The following SYT6 variants were observed in gnomAD, a reference collection of about 807,000 sequenced individuals.
The protein encoded by SYT6 is synaptotagmin 6.
In SYT6, 24 loss-of-function variants were observed where a neutral mutation model predicts 38.4. The observed-to-expected ratio is 0.62, with a 90% CI of 0.45 to 0.88. The LOEUF is 0.88. Ranked by LOEUF, SYT6 falls within the 40% of genes least tolerant of loss-of-function variation. SYT6 has a pLI of 0.00. For missense variants in SYT6, 611 were observed against 621.0 expected, an observed-to-expected ratio of 0.98 and a Z score of 0.17; for synonymous variants, 265 against 241.9, an observed-to-expected ratio of 1.10 and a Z score of -0.89.
At chr1:114,096,055 C>T (rs1675622754) in intron 6 of SYT6, among the ~76,000 whole-genome samples, 1 of 152,036 alleles carries the variant, frequency 6.6e-6, no homozygotes, top group Non-Finnish European at 1.5e-5. Context: ...GTTTAGTATA[C>T]TTGTTCTATT....
At chr1:114,109,967 G>T (rs1011349273) in intron 3 of SYT6, among the ~76,000 whole-genome samples, 1 of 152,208 alleles carries the variant, frequency 6.6e-6, no homozygotes, top group African/African-American at 2.4e-5. Flanking sequence ...GAGTGTTCGG[G>T]GCGCATGAGA....
chr1:114,153,222 A>G (rs953674382), intron 1 of SYT6, among the ~76,000 whole-genome samples: 4 of 152,178 alleles, frequency 2.6e-5, no homozygotes, highest in African/African-American at 9.6e-5. Flanking sequence ...GGCAAGCCCT[A>G]TTCCTCAGCC....
chr1:114,102,133 T>C lies in SYT6; in HGVS notation c.1192+1468A>G, dbSNP rs76844820. Among the ~76,000 whole-genome samples the C allele has an allele frequency of 6.7e-3, 1,013 of 152,312 alleles. 6 individuals are homozygous for C. The highest frequency in any genetic ancestry group is 0.023 in the African/African-American group (970 of 41,564). ...AATTTAATTACACCAGAGAAGATAG[T>C]GTGGGGACTTAGGCAGCAAAATCCT... On this transcript the variant is annotated intron_variant, in intron 4 of 7. Coordinates refer to ENST00000610222, the MANE Select transcript of SYT6 (RefSeq NM_001253772.2).
intron 3 of SYT6, among the ~76,000 whole-genome samples, chr1:114,106,431 C>A (rs1676317168): frequency 6.6e-6 from 1 of 152,124 alleles, no homozygotes; most frequent in African/African-American, 2.4e-5. Flanking sequence ...GGCTGTGTGA[C>A]TAGTGAGTGC....
At chr1:114,107,904 TTCA>T (rs1354234588) in intron 3 of SYT6, among the ~76,000 whole-genome samples, 11 of 152,196 alleles carry the variant, frequency 7.2e-5, no homozygotes, top group African/African-American at 2.7e-4. Flanking sequence ...CATTATTGCT[TTCA>T]TCTTCACCTG....
chr1:114,124,361 A>T (rs1330499657), intron 3 of SYT6, among the ~76,000 whole-genome samples: 1 of 152,076 alleles, frequency 6.6e-6, no homozygotes, highest in East Asian at 1.9e-4. Flanking sequence ...ACTGAGCTAC[A>T]CCTGGGGATG....
At chr1:114,111,484 C>A (rs1676674057) in intron 3 of SYT6, among the ~76,000 whole-genome samples, 1 of 152,166 alleles carries the variant, frequency 6.6e-6, no homozygotes, top group Admixed American at 6.5e-5. Context: ...TCACTAAATG[C>A]TCCAAGATCT....
At chr1:114,134,116 C>T (rs543287969) in intron 3 of SYT6, among the ~76,000 whole-genome samples, 14 of 152,320 alleles carry the variant, frequency 9.2e-5, no homozygotes, top group South Asian at 2.1e-4. Flanking sequence ...CCCTTTCTCA[C>T]GGTGCCTTTC....
intron 1 of SYT6, among the ~76,000 whole-genome samples, chr1:114,141,807 A>G (rs988244705): frequency 1.3e-5 from 2 of 152,208 alleles, no homozygotes; most frequent in African/African-American, 2.4e-5. Context: ...GTGCTTATTT[A>G]CCATTCCAAA....
chr1:114,102,026 CT>C, intron 4 of SYT6, among the ~76,000 whole-genome samples: 1 of 152,280 alleles, frequency 6.6e-6, no homozygotes. Flanking sequence ...AGAACAAAAT[CT>C]CACACCCCAA....
At chr1:114,105,316 T>C (rs893544314) in intron 3 of SYT6, among the ~76,000 whole-genome samples, 4 of 78,878 alleles carry the variant, frequency 5.1e-5, no homozygotes, top group East Asian at 1.3e-3. Context: ...GTTCCCCCCC[T>C]GGAGAATAAG....
chr1:114,133,605 G>A (rs1317876012), intron 3 of SYT6, among the ~76,000 whole-genome samples: 1 of 152,222 alleles, frequency 6.6e-6, no homozygotes, highest in Non-Finnish European at 1.5e-5. Flanking sequence ...GGCAGAAGGA[G>A]AGATGGGGGA....
At chr1:114,129,661 CTTTCTTTCTTTCTT>C (rs999072672) in intron 3 of SYT6, among the ~76,000 whole-genome samples, 1 of 91,702 alleles carries the variant, frequency 1.1e-5, no homozygotes, top group Non-Finnish European at 2.2e-5. Context: ...CTTTTTCTTT[CTTTCTTTCTTTCTT>C]TTTCTTTCTT....
chr1:114,106,867 C>A (rs75675467), intron 3 of SYT6, among the ~76,000 whole-genome samples: 1 of 152,158 alleles, frequency 6.6e-6, no homozygotes, highest in Non-Finnish European at 1.5e-5. Context: ...TGACGAGAGC[C>A]CCTTTTGGGA....
chr1:114,140,043 G>T (rs996387183), intron 1 of SYT6, 80 bp from the exon 2 acceptor site: 1 of 786,668 alleles, frequency 1.3e-6, no homozygotes, highest in East Asian at 2.7e-5. Flanking sequence ...GGAGGAGGGG[G>T]CACACGGAAG....
chr1:114,144,420 T>A (rs1033956567), intron 1 of SYT6, among the ~76,000 whole-genome samples: 1 of 152,156 alleles, frequency 6.6e-6, no homozygotes, highest in Non-Finnish European at 1.5e-5. Context: ...GAGTCACAGG[T>A]TGGTCAGACA....
At chr1:114,122,506 T>TGTGTGTGTGTGTGTGTGCGCAC (rs60780339) in intron 3 of SYT6, among the ~76,000 whole-genome samples, 1 of 147,288 alleles carries the variant, frequency 6.8e-6, no homozygotes, top group Non-Finnish European at 1.5e-5. Context: ...TGTGTGTGTG[T>TGTGTGTGTGTGTGTGTGCGCAC]GCGCGCACAT....
chr1:114,153,409 AC>A (rs1679549210), intron 1 of SYT6, among the ~76,000 whole-genome samples, 200 bp downstream of exon 1: 1 of 152,044 alleles, frequency 6.6e-6, no homozygotes, highest in African/African-American at 2.4e-5. Context: ...GGGGGCTTCT[AC>A]CCCAACCTCC....
At chr1:114,116,124 T>C (rs1018161853) in intron 3 of SYT6, among the ~76,000 whole-genome samples, 1 of 152,232 alleles carries the variant, frequency 6.6e-6, no homozygotes, top group African/African-American at 2.4e-5. Context: ...GGTGTCACCC[T>C]GCGTTACAGA....
Sources: allele counts gnomAD v4.1 joint callset (sites outside exome capture counted in the v4.1 genomes callset), GRCh38; gene constraint gnomAD v4.1.1; transcripts MANE v1.5; gene names NCBI Gene and HGNC (gene_info 2026-07-23, HGNC 2026-07-21).